DNAH9: variants seen among roughly 807,000 people sequenced by gnomAD.
DNAH9 encodes the protein dynein axonemal heavy chain 9.
Under a neutral mutation model 471.6 loss-of-function variants are expected in DNAH9, and 345 were observed. That is an observed-to-expected ratio of 0.73 (90% CI 0.67 to 0.80). The LOEUF is 0.80. Ranked by LOEUF, DNAH9 falls within the 30% of genes least tolerant of loss-of-function variation. DNAH9 has a pLI of 0.00. For synonymous variants in DNAH9, 2,093 were observed against 2,123.6 expected, an observed-to-expected ratio of 0.99 and a Z score of 0.40; for missense variants, 5,407 against 5,609.2, an observed-to-expected ratio of 0.96 and a Z score of 1.15.
At chr17:11,678,021 T>C (rs2074075165) in intron 17 of DNAH9, among the ~76,000 whole-genome samples, 2 of 151,910 alleles carry the variant, frequency 1.3e-5, no homozygotes, top group Non-Finnish European at 2.9e-5. Context: ...TATATATCTA[T>C]ATATACACCA....
At chr17:11,661,402 A>G (rs1360540679) in intron 14 of DNAH9, among the ~76,000 whole-genome samples, 1 of 152,136 alleles carries the variant, frequency 6.6e-6, no homozygotes, top group Non-Finnish European at 1.5e-5. Flanking sequence ...ATTGGAATGC[A>G]TAGACTGTTT....
chr17:11,670,927 TC>T (rs1438459828), intron 17 of DNAH9, among the ~76,000 whole-genome samples: 2 of 152,202 alleles, frequency 1.3e-5, no homozygotes, highest in Non-Finnish European at 2.9e-5. Flanking sequence ...GGTCTTGAAC[TC>T]CTGACCTCAG....
chr17:11,645,873 C>CTT (rs1205010044), intron 11 of DNAH9, among the ~76,000 whole-genome samples: 23 of 138,756 alleles, frequency 1.7e-4, no homozygotes, highest in African/African-American at 6.5e-4. Flanking sequence ...TTCTCTTTTT[C>CTT]TTTTTCTTTT....
At chr17:11,676,811 A>G (rs1321118176) in intron 17 of DNAH9, among the ~76,000 whole-genome samples, 1 of 152,098 alleles carries the variant, frequency 6.6e-6, no homozygotes, top group Non-Finnish European at 1.5e-5. Flanking sequence ...TGAAAGTTAT[A>G]AATTCTCTTC....
Position 11,929,871 on chromosome 17 carries a change from T to C in DNAH9, c.11883T>C (p.Ile3961=). 6.2e-7 allele frequency: 1 copy of C among 1,612,962 alleles called. No homozygotes were observed. Among genetic ancestry groups the C allele is most frequent in the South Asian group, 1.1e-5 (1 of 90,790 alleles). Residue 3961 remains isoleucine, a synonymous_variant, in exon 63 of 69, where the codon ATT becomes ATC. Transcript: ENST00000262442. ...GGCTCCTTCCTTCCCACTAGAACATTCACCTGGTGGCCAAGTGGCTCAGCA... is the reference window on the plus strand; with the variant it reads ...GGCTCCTTCCTTCCCACTAGAACATCCACCTGGTGGCCAAGTGGCTCAGCA... ...KKGHWVILQN[I]HLVAKWLSTL...
intron 27 of DNAH9, among the ~76,000 whole-genome samples, chr17:11,719,958 G>A (rs916935375): frequency 1.3e-5 from 2 of 151,648 alleles, no homozygotes; most frequent in African/African-American, 2.4e-5. Flanking sequence ...TATCAACAGG[G>A]GCAGAATATT....
chr17:11,846,025 T>A (rs965225358), intron 49 of DNAH9, among the ~76,000 whole-genome samples: 12 of 152,054 alleles, frequency 7.9e-5, no homozygotes. Context: ...CATTTGTCAG[T>A]TTTGGCTTTT....
At chr17:11,881,184 C>G (rs377715602) in intron 54 of DNAH9, 25 bp from the exon 55 acceptor site, 6 of 1,613,128 alleles carry the variant, frequency 3.7e-6, no homozygotes, top group Non-Finnish European at 5.1e-6. Context: ...GGCACCTTAC[C>G]TTCACATGAG....
intron 49 of DNAH9, among the ~76,000 whole-genome samples, chr17:11,847,803 C>G (rs1971279078): frequency 6.6e-6 from 1 of 152,128 alleles, no homozygotes; most frequent in South Asian, 2.1e-4. Flanking sequence ...TGAATTATAT[C>G]AATGGACTGC....
chr17:11,653,894 CCAACTGTTCATT>C (rs1300221306), intron 14 of DNAH9, among the ~76,000 whole-genome samples: 2 of 152,136 alleles, frequency 1.3e-5, no homozygotes, highest in Non-Finnish European at 2.9e-5. Context: ...TTTCTTTCAT[CCAACTGTTCATT>C]CATCCACTCA....
chr17:11,620,341 T>G (rs918635183), intron 6 of DNAH9, among the ~76,000 whole-genome samples: 1 of 151,396 alleles, frequency 6.6e-6, no homozygotes, highest in East Asian at 2.0e-4. Flanking sequence ...GGCGAAATCC[T>G]GTCTCTACTA....
intron 49 of DNAH9, among the ~76,000 whole-genome samples, chr17:11,847,233 T>TTTGCTTTTGTCACAG (rs1243733190): frequency 6.6e-6 from 1 of 152,208 alleles, no homozygotes; most frequent in Non-Finnish European, 1.5e-5. Flanking sequence ...TTTGTCAATT[T>TTTGCTTTTGTCACAG]TTGCTTTTGT....
chr17:11,742,331 G>C lies in DNAH9; in HGVS notation c.6111+18G>C. ...CCAAACAGGTAGGATCTCTAGGGAG[G>C]CTGTACAACCAAGCACCGTGCAACA... is the stretch of plus-strand genomic sequence containing the variant. On this transcript the variant is annotated intron_variant, in intron 30 of 68. Coordinates refer to ENST00000262442, the MANE Select transcript of DNAH9 (RefSeq NM_001372.4). 6.2e-7 allele frequency: 1 copy of C among 1,613,666 alleles called. No homozygotes were observed. The highest frequency in any genetic ancestry group is 1.1e-5 in the South Asian group (1 of 91,024).
intron 19 of DNAH9, among the ~76,000 whole-genome samples, chr17:11,688,978 C>T (rs2074286617): frequency 6.6e-6 from 1 of 152,048 alleles, no homozygotes; most frequent in South Asian, 2.1e-4. Flanking sequence ...TGTCTGTATT[C>T]CCAGCTACTT....
At chr17:11,836,320 A>G (rs1012638921) in intron 49 of DNAH9, among the ~76,000 whole-genome samples, 2 of 152,204 alleles carry the variant, frequency 1.3e-5, no homozygotes, top group African/African-American at 4.8e-5. Flanking sequence ...GGCACATTGT[A>G]AAATCCTATT....
intron 20 of DNAH9, 126 bp downstream of exon 20, chr17:11,690,562 A>G: frequency 2.3e-6 from 2 of 872,074 alleles, no homozygotes; most frequent in South Asian, 3.6e-5. Context: ...ACTTAAAGGC[A>G]CTTCCCACAG....
At chr17:11,848,098 G>A (rs541378759) in intron 49 of DNAH9, among the ~76,000 whole-genome samples, 13 of 152,122 alleles carry the variant, frequency 8.5e-5, no homozygotes, top group South Asian at 2.1e-4. Flanking sequence ...GTACTCTCTC[G>A]TAGGTCTCTT....
At position 11,805,523 on chromosome 17, in the gene DNAH9, CTTTTTTTTTTTTTTTTTTTTTTTTTT is replaced by C. The variant is rs773842478; in HGVS notation, c.8421-2192_8421-2167del. On this transcript the variant is annotated intron_variant, in intron 43 of 68. Coordinates refer to ENST00000262442, the MANE Select transcript of DNAH9 (RefSeq NM_001372.4). Reference sequence around the variant, plus strand: ...TATTTGGCCAAACTTTACCCGAGTTCTTTTTTTTTTTTTTTTTTTTTTTTTTTTTTTTTTTTTTTTTTGAGATGGAG... The same window carrying C: ...TATTTGGCCAAACTTTACCCGAGTTCTTTTTTTTTTTTTTTTGAGATGGAG... 8.1e-4 allele frequency among the ~76,000 whole-genome samples: 42 copies of C among 52,082 alleles called. 1 individual carries two copies. Among genetic ancestry groups the C allele is most frequent in the Middle Eastern group, 0.02 (1 of 50 alleles). 34.2% of individuals were successfully genotyped at this position (52,082 alleles called of 152,430 possible).
chr17:11,760,216 G>T (rs986284305), intron 35 of DNAH9, among the ~76,000 whole-genome samples: 1 of 151,906 alleles, frequency 6.6e-6, no homozygotes, highest in African/African-American at 2.4e-5. Flanking sequence ...ACATAAGAGT[G>T]CAGGTATCTT....
Sources: allele counts gnomAD v4.1 joint callset (sites outside exome capture counted in the v4.1 genomes callset), GRCh38; gene constraint gnomAD v4.1.1; transcripts MANE v1.5; gene names NCBI Gene and HGNC (gene_info 2026-07-23, HGNC 2026-07-21).